Variants in DENND4B observed in about 807,000 individuals in gnomAD.
DENND4B encodes the protein DENN domain-containing protein 4B.
A neutral mutation model predicts 161.0 loss-of-function variants in DENND4B; 67 were observed. That is an observed-to-expected ratio of 0.42 (90% CI 0.34 to 0.51). The LOEUF is 0.51. Ranked by LOEUF, DENND4B falls within the 20% of genes least tolerant of loss-of-function variation. The pLI is 0.08. For synonymous variants in DENND4B, 753 were observed against 813.8 expected, an observed-to-expected ratio of 0.93 and a Z score of 1.27; for missense variants, 1,481 against 1,968.0, an observed-to-expected ratio of 0.75 and a Z score of 4.68.
Position 153,937,748 on chromosome 1 carries a change from C to A in DENND4B, c.2081G>T (p.Gly694Val). The change falls in exon 14 of 28, where the codon GGC becomes GTC. Residue 694 changes from glycine (G) to valine (V), a missense_variant. This residue lies in a region of DENND4B where 806 missense variants were observed against 1,134.4 expected (regional missense o/e 0.71). Coordinates refer to ENST00000361217, the MANE Select transcript of DENND4B (RefSeq NM_014856.3). This position sits in a 1 kb window ranked among gnomAD's most constrained non-coding sequence, Gnocchi z 4.7. ...CCAGTACTGGGGAGTGGATTCACTGCCCTCTGGTAAGGCAGGCTCCTCGGG... is the reference window on the plus strand; with the variant it reads ...CCAGTACTGGGGAGTGGATTCACTGACCTCTGGTAAGGCAGGCTCCTCGGG... ...TPPEEPALPE[G>V]SESTPQYCYD... 1 of 1,614,002 alleles carries A rather than the reference C, an allele frequency of 6.2e-7. No individual in the cohort carries two copies. Among genetic ancestry groups the A allele is most frequent in the Non-Finnish European group, 8.5e-7 (1 of 1,179,890 alleles).
chr1:153,930,337 A>G lies in DENND4B; in HGVS notation c.4451T>C (p.Ile1484Thr), dbSNP rs767881181. ...TGCTCCAAAACATTTTCGGCAGTCA[A>G]TGGCCTTGGGAGTGGGCATCTGCGC... ...RRAQMPTPKA[I>T]DCRKCFGAPP... Residue 1484 changes from isoleucine to threonine, a missense_variant, in exon 28 of 28, where the codon ATT becomes ACT. By Grantham distance (89) the Ile-to-Thr change is moderately conservative. Transcript: ENST00000361217. This position sits in a 1 kb window ranked among gnomAD's most constrained non-coding sequence, Gnocchi z 4.7. 11 of 1,613,890 alleles carry G rather than the reference A, an allele frequency of 6.8e-6. No homozygotes were observed. The highest frequency in any genetic ancestry group is 2.2e-5 in the East Asian group (1 of 44,900).
chr1:153,941,771 C>CCCCGG, intron 6 of DENND4B, 98 bp downstream of exon 6: 2 of 1,465,972 alleles, frequency 1.4e-6, no homozygotes, highest in Non-Finnish European at 1.9e-6. Flanking sequence ...TTACCCTGTG[C>CCCCGG]CCAGCCCTCC....
At chr1:153,935,167 C>A in intron 17 of DENND4B, 1 of 995,614 alleles carries the variant, frequency 1.0e-6, no homozygotes, top group Admixed American at 3.1e-5. Flanking sequence ...TAGAAGAACC[C>A]AGAGGCAGTG....
intron 13 of DENND4B, 94 bp downstream of exon 13, chr1:153,938,806 G>A: frequency 7.3e-7 from 1 of 1,371,710 alleles, no homozygotes; most frequent in Non-Finnish European, 1.0e-6. Flanking sequence ...ATACCACCCT[G>A]AACATGCCCG....
At position 153,937,577 on chromosome 1, in the gene DENND4B, C is replaced by CA. The variant is rs746233259; in HGVS notation, c.2142dup (p.Glu715Ter). Reference sequence around the variant, plus strand: ...GCCCCAGGTTGCTCTTGAAGAGACTCAAACAACTCAGCCCGTAGCTCTGGG... The same window carrying CA: ...GCCCCAGGTTGCTCTTGAAGAGACTCAAAACAACTCAGCCCGTAGCTCTGGG... On this transcript the variant is annotated frameshift_variant, in exon 15 of 28. Transcript: ENST00000361217. LOFTEE classifies it high-confidence loss of function. This position sits in a 1 kb window ranked among gnomAD's most constrained non-coding sequence, Gnocchi z 4.7. The CA allele has an allele frequency of 6.2e-7, 1 of 1,613,574 alleles. No homozygotes were observed. The highest frequency in any genetic ancestry group is 1.7e-5 in the Admixed American group (1 of 59,938).
chr1:153,931,467 TGCA>T (rs1678920781), intron 24 of DENND4B, among the ~76,000 whole-genome samples: 1 of 151,150 alleles, frequency 6.6e-6, no homozygotes, highest in East Asian at 1.9e-4. Flanking sequence ...CCGAACCAGG[TGCA>T]GCAGACTCCA....
chr1:153,945,359 G>T, intron 1 of DENND4B: 1 of 351,202 alleles, frequency 2.8e-6, no homozygotes, highest in Non-Finnish European at 5.6e-6. Flanking sequence ...GGCGGTGGTG[G>T]GGTTACCATT....
chr1:153,942,834 T>C lies in DENND4B; in HGVS notation c.570+44A>G. ...CTTTGTTCCCAGTGTCCACACCCAC[T>C]CTTACACCAAGAGGACCAGGTGTCA... On this transcript the variant is annotated intron_variant, in intron 3 of 27. Transcript: ENST00000361217. The surrounding 1 kb of genome is among the most constrained non-coding windows in gnomAD (Gnocchi z 6.9). The C allele has an allele frequency of 6.4e-7, 1 of 1,562,004 alleles. No homozygotes were observed. Among genetic ancestry groups the C allele is most frequent in the Non-Finnish European group, 8.7e-7 (1 of 1,150,040 alleles).
In DENND4B at chr1:153,935,433, G is replaced by A. The variant is rs557853917; in HGVS notation, c.2569-469C>T. On this transcript the variant is annotated intron_variant, in intron 17 of 27. Transcript: ENST00000361217. ...GCAATCTTGGCTCACTGCAACCTCT[G>A]CCTCCCGGGTTCAAGTGATTCTCTT... Among the ~76,000 whole-genome samples, 66 of 152,286 alleles carry A rather than the reference G, an allele frequency of 4.3e-4. No homozygotes were observed. The Middle Eastern group carries it at 0.01, about 24-fold the overall frequency.
rs1557853849 is a variant in DENND4B, at chr1:153,939,023, G to A, written c.1842C>T (p.Arg614=). Reference sequence around the variant, plus strand: ...GCTGAGAGTAAAGTTTGTGGCTGGAGCGTTCCCGGGATTTGAGGAAGCCTG... The same window carrying A: ...GCTGAGAGTAAAGTTTGTGGCTGGAACGTTCCCGGGATTTGAGGAAGCCTG... The part of the protein sequence containing the change: ...FLQGFLKSRE[R]SSHKLYSQLL... The change falls in exon 13 of 28, where the codon CGC becomes CGT. Residue 614 remains arginine, a synonymous_variant. Coordinates refer to ENST00000361217, the MANE Select transcript of DENND4B (RefSeq NM_014856.3). 8 of 1,612,142 alleles carry A rather than the reference G, an allele frequency of 5.0e-6. No individual in the cohort carries two copies. The highest frequency in any genetic ancestry group is 1.1e-5 in the South Asian group (1 of 90,454).
chr1:153,935,052 C>T (rs1038708891), intron 17 of DENND4B, 88 bp from the exon 18 acceptor site: 28 of 1,558,806 alleles, frequency 1.8e-5, no homozygotes, highest in South Asian at 4.8e-5. Flanking sequence ...CCCCAGGGAC[C>T]GCCCTTCCCC....
chr1:153,931,973 T>C (rs559497418), intron 24 of DENND4B, among the ~76,000 whole-genome samples: 1 of 151,920 alleles, frequency 6.6e-6, no homozygotes, highest in African/African-American at 2.4e-5. Flanking sequence ...CTGGCTAATT[T>C]TTTTTGTATT....
Position 153,933,643 on chromosome 1 carries a change from A to G in DENND4B, c.3170T>C (p.Leu1057Pro), listed in dbSNP as rs1433289019. The change falls in exon 20 of 28, where the codon CTG (leucine) becomes CCG (proline). Residue 1057 changes from leucine to proline, a missense_variant. This residue lies in a region of DENND4B where 339 missense variants were observed against 330.3 expected (regional missense o/e 1.03). Coordinates refer to ENST00000361217, the MANE Select transcript of DENND4B (RefSeq NM_014856.3). The surrounding 1 kb of genome is among the most constrained non-coding windows in gnomAD (Gnocchi z 5.7). ...GAGCAGCTGTTGGAGGCGGGCACCCAGCCCTCGTCGGGGGGTGCCTGCCTC... is the reference window on the plus strand; with the variant it reads ...GAGCAGCTGTTGGAGGCGGGCACCCGGCCCTCGTCGGGGGGTGCCTGCCTC... ...QDEAGTPRRG[L>P]GARLQQLLTP... 2 of 1,564,294 alleles carry G rather than the reference A, an allele frequency of 1.3e-6. No individual in the cohort carries two copies. Among genetic ancestry groups the G allele is most frequent in the Non-Finnish European group, 1.7e-6 (2 of 1,157,824 alleles).
At position 153,940,846 on chromosome 1, in the gene DENND4B, G is replaced by C; in HGVS notation, c.1326+58C>G. The stretch of plus-strand genomic sequence containing the variant: ...AAAGGGAAGAGTCCAGGCAGGGATA[G>C]GGGCACCAGAAAGAACCATGGTTCT... On this transcript the variant is annotated intron_variant, in intron 9 of 27. Coordinates refer to ENST00000361217, the MANE Select transcript of DENND4B (RefSeq NM_014856.3). This position sits in a 1 kb window ranked among gnomAD's most constrained non-coding sequence, Gnocchi z 5.6. 1 of 1,525,336 alleles carries C rather than the reference G, an allele frequency of 6.6e-7. No homozygotes were observed. The highest frequency in any genetic ancestry group is 8.8e-7 in the Non-Finnish European group (1 of 1,140,378). 94.5% of individuals were successfully genotyped at this position (1,525,336 alleles called of 1,614,324 possible). A position where few individuals can be genotyped will look rare whatever the true frequency, so the allele number is the denominator to read the frequency against.
In DENND4B at chr1:153,930,001, G is replaced by A; in HGVS notation, c.*296C>T. On this transcript the variant is annotated 3_prime_UTR_variant, in exon 28 of 28. Coordinates refer to ENST00000361217, the MANE Select transcript of DENND4B (RefSeq NM_014856.3). This position sits in a 1 kb window ranked among gnomAD's most constrained non-coding sequence, Gnocchi z 4.7. Reference sequence around the variant, plus strand: ...AAAATGACCAGGGCAATGCAGATCTGTGGGTACCCTGGAGGGGAGTTCCCG... The same window carrying A: ...AAAATGACCAGGGCAATGCAGATCTATGGGTACCCTGGAGGGGAGTTCCCG... 2.5e-6 allele frequency: 1 copy of A among 405,450 alleles called. No homozygotes were observed. Among genetic ancestry groups the A allele is most frequent in the Non-Finnish European group, 4.5e-6 (1 of 223,666 alleles). The allele number at this position is 405,450 out of a possible 1,614,324, so 25.1% of individuals were successfully genotyped here.
In DENND4B at chr1:153,933,826, G is replaced by A; in HGVS notation, c.2987C>T (p.Pro996Leu). 6.2e-7 allele frequency: 1 copy of A among 1,613,310 alleles called. No individual in the cohort carries two copies. Among genetic ancestry groups the A allele is most frequent in the Non-Finnish European group, 8.5e-7 (1 of 1,179,798 alleles). The change falls in exon 20 of 28, where the codon CCC becomes CTC. Residue 996 changes from proline to leucine, a missense_variant. By Grantham distance (98) the Pro-to-Leu change is moderately conservative. Coordinates refer to ENST00000361217, the MANE Select transcript of DENND4B (RefSeq NM_014856.3). This position sits in a 1 kb window ranked among gnomAD's most constrained non-coding sequence, Gnocchi z 5.7. The stretch of plus-strand genomic sequence containing the variant: ...GTCTGAGAGACTTCCATCGTGCCAG[G>A]GCACAGGTGATCCCCGGGGTTCCAG... Reference protein sequence around the residue: ...GVLEPRGSPVPWHDGSLSDLS... With the variant: ...GVLEPRGSPVLWHDGSLSDLS...
At position 153,942,493 on chromosome 1, in the gene DENND4B, C is replaced by A; in HGVS notation, c.640+63G>T. ...CTCTGGGGACACTTAAGGTGCCTGCCAAGAGGCACCAGGGCAAAGGGATGT... is the reference window on the plus strand; with the variant it reads ...CTCTGGGGACACTTAAGGTGCCTGCAAAGAGGCACCAGGGCAAAGGGATGT... On this transcript the variant is annotated intron_variant, in intron 4 of 27. Transcript: ENST00000361217. The surrounding 1 kb of genome is among the most constrained non-coding windows in gnomAD (Gnocchi z 6.9). The A allele has an allele frequency of 1.3e-6, 2 of 1,567,206 alleles. No homozygotes were observed. Among genetic ancestry groups the A allele is most frequent in the East Asian group, 2.4e-5 (1 of 42,214 alleles).
At position 153,942,338 on chromosome 1, in the gene DENND4B, G is replaced by A. The variant is rs919012110; in HGVS notation, c.659C>T (p.Pro220Leu). 4 of 1,612,522 alleles carry A rather than the reference G, an allele frequency of 2.5e-6. No individual in the cohort carries two copies. The highest frequency in any genetic ancestry group is 1.7e-6 in the Non-Finnish European group (2 of 1,179,254). ...VYEAELLGRY[P>L]EEDNEAFPLP... is the part of the protein sequence containing the mutation. ...CGGGAACGCCTCATTGTCCTCCTCC[G>A]GGTAGCGGCCCAGCAGCTCTGCACC... is the stretch of plus-strand genomic sequence containing the variant. Residue 220 changes from proline (P) to leucine (L), a missense_variant, in exon 5 of 28, where the codon CCG (proline) becomes CTG (leucine). Physicochemically the swap from Pro to Leu is moderately conservative, Grantham distance 98. Transcript: ENST00000361217. The surrounding 1 kb of genome is among the most constrained non-coding windows in gnomAD (Gnocchi z 6.9).
chr1:153,932,612 T>C lies in DENND4B; in HGVS notation c.3759+30A>G. On this transcript the variant is annotated intron_variant, in intron 23 of 27. Coordinates refer to ENST00000361217, the MANE Select transcript of DENND4B (RefSeq NM_014856.3). This position sits in a 1 kb window ranked among gnomAD's most constrained non-coding sequence, Gnocchi z 5.8. ...GGCCCCACACAGGGCAACATTCCCG[T>C]TCCTCATGCCCCTTTGGCCCAGCCC... The C allele has an allele frequency of 1.3e-6, 2 of 1,598,312 alleles. No homozygotes were observed. Among genetic ancestry groups the C allele is most frequent in the South Asian group, 2.2e-5 (2 of 89,842 alleles).
Sources: allele counts gnomAD v4.1 joint callset (sites outside exome capture counted in the v4.1 genomes callset), GRCh38; gene constraint gnomAD v4.1.1; regional missense constraint gnomAD v4.1.1; non-coding constraint Gnocchi (gnomAD v3.1); transcripts MANE v1.5; gene names NCBI Gene and HGNC (gene_info 2026-07-23, HGNC 2026-07-21).